DLG2: variants seen among roughly 807,000 people sequenced by gnomAD.
DLG2 encodes the protein discs large MAGUK scaffold protein 2.
Under a neutral mutation model 132.5 loss-of-function variants are expected in DLG2, and 45 were observed. The ratio of observed to expected loss-of-function variants is 0.34; its 90% CI spans 0.27 to 0.44. The LOEUF is 0.44. DLG2 is among the 20% of genes least tolerant of loss of function. The probability of loss-of-function intolerance (pLI) is 1.00; values close to 1 mark genes in which losing one functional copy is unlikely to be tolerated. For synonymous variants in DLG2, 424 were observed against 419.6 expected (o/e 1.01, Z -0.13); for missense variants, 1,045 against 1,196.9 (o/e 0.87, Z 1.87).
chr11:84,285,414 C>T (rs1240155347), intron 7 of DLG2, among the ~76,000 whole-genome samples: 3 of 152,120 alleles, frequency 2.0e-5, no homozygotes, highest in Admixed American at 1.3e-4. Flanking sequence ...CCCCACAGGC[C>T]CTCTTCCATT....
At position 85,559,352 on chromosome 11, in the gene DLG2, T is replaced by A. The variant is rs1485904943; in HGVS notation, c.40+39305A>T. Among the ~76,000 whole-genome samples, 28 of 151,202 alleles carry A rather than the reference T, an allele frequency of 1.9e-4. No individual in the cohort carries two copies. The Admixed American group carries it at 1.9e-3, about 10-fold the overall frequency. ...TTTTAATAGATACAGGATTTCACCA[T>A]GTTGGCCAGGATGGTCTCGATCTCT... is the stretch of plus-strand genomic sequence containing the variant. On this transcript the variant is annotated intron_variant, in intron 3 of 27. Coordinates refer to ENST00000376104, the MANE Select transcript of DLG2 (RefSeq NM_001142699.3).
intron 20 of DLG2, among the ~76,000 whole-genome samples, chr11:83,541,126 G>C (rs1004081381): frequency 6.6e-6 from 1 of 151,912 alleles, no homozygotes; most frequent in African/African-American, 2.4e-5. Context: ...AAAGAAAACA[G>C]TAAAAAAAGA....
intron 6 of DLG2, among the ~76,000 whole-genome samples, chr11:85,067,505 C>T: frequency 6.6e-6 from 1 of 151,876 alleles, no homozygotes; most frequent in Non-Finnish European, 1.5e-5. Context: ...TCCCTCTACA[C>T]ACTGCTTTAA....
intron 7 of DLG2, among the ~76,000 whole-genome samples, chr11:84,534,093 A>T (rs2099349798): frequency 6.6e-6 from 1 of 152,216 alleles, no homozygotes; most frequent in Admixed American, 6.5e-5. Context: ...AATTGAAATA[A>T]ATCTAGTAAA....
At position 83,459,794 on chromosome 11, in the gene DLG2, G is replaced by T; in HGVS notation, c.*24C>A. 8.0e-7 allele frequency: 1 copy of T among 1,256,568 alleles called. No homozygotes were observed. The highest frequency in any genetic ancestry group is 1.2e-6 in the Non-Finnish European group (1 of 854,590). 77.8% of individuals were successfully genotyped at this position (1,256,568 alleles called of 1,614,324 possible). A position where few individuals can be genotyped will look rare whatever the true frequency, so the allele number is the denominator to read the frequency against. ...TTGTTCTTCTAAATGCTCTTCTGTC[G>T]TTGTCAGAGGCGCAGTAGCTAATTT... On this transcript the variant is annotated 3_prime_UTR_variant, in exon 28 of 28. Transcript: ENST00000376104.
Position 84,534,582 on chromosome 11 carries a change from A to G in DLG2, c.507T>C (p.Ile169=). 6.2e-7 allele frequency: 1 copy of G among 1,613,958 alleles called. No homozygotes were observed. Among genetic ancestry groups the G allele is most frequent in the Non-Finnish European group, 8.5e-7 (1 of 1,179,876 alleles). Reference sequence around the variant, plus strand: ...CAATATAACTGACCTTCAGAGGAGAAATATGAGACTGCAAGACATATCCAT... The same window carrying G: ...CAATATAACTGACCTTCAGAGGAGAGATATGAGACTGCAAGACATATCCAT... The part of the protein sequence containing the change: ...NVHGYVLQSH[I]SPLKASPAPI... The change falls in exon 7 of 28, where the codon ATT becomes ATC. Residue 169 remains isoleucine (I), a synonymous_variant. Transcript: ENST00000376104.
At chr11:85,508,350 C>T (rs1221591586) in intron 3 of DLG2, among the ~76,000 whole-genome samples, 1 of 152,058 alleles carries the variant, frequency 6.6e-6, no homozygotes, top group Non-Finnish European at 1.5e-5. Flanking sequence ...ATGTACACTC[C>T]TGCCACAAGG....
chr11:84,700,561 C>A (rs969984987), intron 6 of DLG2, among the ~76,000 whole-genome samples: 7 of 151,596 alleles, frequency 4.6e-5, no homozygotes, highest in Non-Finnish European at 1.5e-5. Context: ...TCAAGAATGG[C>A]ATTGTATGGT....
At chr11:84,006,860 T>TG (rs1402931500) in intron 11 of DLG2, among the ~76,000 whole-genome samples, 2 of 151,708 alleles carry the variant, frequency 1.3e-5, no homozygotes, top group Admixed American at 1.3e-4. Flanking sequence ...AGCTTTTCCT[T>TG]GTTCCCCCAA....
At chr11:84,122,069 C>G (rs2093949879) in intron 9 of DLG2, among the ~76,000 whole-genome samples, 1 of 151,508 alleles carries the variant, frequency 6.6e-6, no homozygotes. Context: ...GCCTGTAATT[C>G]CAGCACTTTG....
At chr11:84,828,618 T>C (rs2078638697) in intron 6 of DLG2, among the ~76,000 whole-genome samples, 1 of 151,730 alleles carries the variant, frequency 6.6e-6, no homozygotes, top group African/African-American at 2.4e-5. Context: ...AATCTGCCAG[T>C]GAAGCCAAAA....
At chr11:85,337,174 G>A (rs189388134) in intron 3 of DLG2, among the ~76,000 whole-genome samples, 59 of 152,264 alleles carry the variant, frequency 3.9e-4, no homozygotes, top group Admixed American at 9.8e-4. Context: ...TAAATTCATC[G>A]TGGATCTTAT....
chr11:84,729,636 T>C (rs191533412), intron 6 of DLG2, among the ~76,000 whole-genome samples: 1 of 152,184 alleles, frequency 6.6e-6, no homozygotes, highest in East Asian at 1.9e-4. Context: ...ATAGACTACT[T>C]TGAGCGAGTC....
chr11:83,599,836 T>G (rs1260502003), intron 19 of DLG2, among the ~76,000 whole-genome samples: 1 of 152,196 alleles, frequency 6.6e-6, no homozygotes, highest in Non-Finnish European at 1.5e-5. Flanking sequence ...TATTAGTAGT[T>G]TGGAAGAACT....
At chr11:84,863,141 T>C (rs1335318536) in intron 6 of DLG2, among the ~76,000 whole-genome samples, 3 of 152,176 alleles carry the variant, frequency 2.0e-5, no homozygotes, top group African/African-American at 7.2e-5. Context: ...AATTTAAAGC[T>C]GACCTTTAAT....
intron 7 of DLG2, among the ~76,000 whole-genome samples, chr11:84,374,472 T>C (rs2098721164): frequency 1.3e-5 from 2 of 152,308 alleles, no homozygotes; most frequent in African/African-American, 4.8e-5. Flanking sequence ...TATAATGAGA[T>C]TTTTTAATCT....
chr11:84,994,139 CATTTGGGATTG>C (rs912678409), intron 6 of DLG2, among the ~76,000 whole-genome samples: 15 of 152,132 alleles, frequency 9.9e-5, no homozygotes, highest in Admixed American at 7.9e-4. Context: ...TTTCTGTCAA[CATTTGGGATTG>C]GTTTGGGACC....
intron 6 of DLG2, among the ~76,000 whole-genome samples, chr11:84,799,213 G>A (rs892543099): frequency 6.6e-5 from 10 of 152,122 alleles, no homozygotes; most frequent in Non-Finnish European, 1.5e-4. Context: ...TCATGGTGGC[G>A]AGCCTTGCTA....
chr11:85,069,500 A>G (rs1190910131), intron 6 of DLG2, among the ~76,000 whole-genome samples: 1 of 152,182 alleles, frequency 6.6e-6, no homozygotes, highest in Non-Finnish European at 1.5e-5. Flanking sequence ...AAGGATATGA[A>G]CAGACACTTC....
Sources: gnomAD v4.1 joint callset for allele counts (sites outside exome capture counted in the v4.1 genomes callset) on GRCh38, gnomAD v4.1.1 for gene constraint, MANE v1.5 for transcripts, NCBI Gene and HGNC (gene_info 2026-07-23, HGNC 2026-07-21) for gene names.